The following GSK3B variants were observed in gnomAD, a reference collection of about 807,000 sequenced individuals.
GSK3B encodes glycogen synthase kinase-3 beta.
In GSK3B, 15 loss-of-function variants were observed where a neutral mutation model predicts 56.4. The ratio of observed to expected loss-of-function variants is 0.27; its 90% CI spans 0.18 to 0.41. GSK3B has a LOEUF of 0.41. GSK3B is among the 10% of genes least tolerant of loss of function. GSK3B has a pLI of 1.00. For missense variants in GSK3B, 300 were observed against 513.4 expected, an observed-to-expected ratio of 0.58 and a Z score of 4.02; for synonymous variants, 181 against 188.9, an observed-to-expected ratio of 0.96 and a Z score of 0.34.
chr3:119,912,333 A>G (rs78802922), intron 6 of GSK3B, among the ~76,000 whole-genome samples: 3,935 of 152,200 alleles, frequency 0.026, 174 homozygotes, highest in African/African-American at 0.089. Context: ...AAGACCACTG[A>G]TCATAGATCA....
rs925975906 is a variant in GSK3B at position 119,889,151 on chromosome 3, T to G, written c.814-12643A>C. Among the ~76,000 whole-genome samples the G allele has an allele frequency of 2.6e-5, 4 of 152,034 alleles. No homozygotes were observed. The South Asian group carries it at 8.3e-4, about 31-fold the overall frequency. Reference sequence around the variant, plus strand: ...ACCTACTCCCTGTTCTTGCATCCCCTCCCCTTTTGAAATCCTTAATAAAAC... The same window carrying G: ...ACCTACTCCCTGTTCTTGCATCCCCGCCCCTTTTGAAATCCTTAATAAAAC... On this transcript the variant is annotated intron_variant, in intron 7 of 10. Coordinates refer to ENST00000264235, the MANE Select transcript of GSK3B (RefSeq NM_001146156.2).
chr3:120,008,058 G>A (rs919645905), intron 1 of GSK3B, among the ~76,000 whole-genome samples: 7 of 152,134 alleles, frequency 4.6e-5, no homozygotes, highest in African/African-American at 1.7e-4. Context: ...AAATCAATGT[G>A]CAAAAATCAC....
Position 119,823,277 on chromosome 3 carries a change from A to T in GSK3B, c.*3511T>A, listed in dbSNP as rs60393216. ...AAACTGATTTTTTTTAAAAGAAATT[A>T]AAATGATATTTCATTGAGCAAGGGT... On this transcript the variant is annotated 3_prime_UTR_variant, in exon 11 of 11. Coordinates refer to ENST00000264235, the MANE Select transcript of GSK3B (RefSeq NM_001146156.2). 52,199 of 215,980 alleles carry T rather than the reference A, an allele frequency of 0.24. 7,090 individuals are homozygous for T. The highest frequency in any genetic ancestry group is 0.47 in the East Asian group (6,886 of 14,510). 13.4% of individuals were successfully genotyped at this position (215,980 alleles called of 1,614,324 possible). A position where few individuals can be genotyped will look rare whatever the true frequency, so the allele number is the denominator to read the frequency against.
At chr3:119,923,557 A>C (rs2056863959) in intron 3 of GSK3B, 74 bp from the exon 4 acceptor site, 3 of 624,730 alleles carry the variant, frequency 4.8e-6, no homozygotes, top group Non-Finnish European at 8.2e-6. Flanking sequence ...AAATTAGAGT[A>C]AATTCTCTAG....
intron 1 of GSK3B, among the ~76,000 whole-genome samples, chr3:120,032,389 C>T (rs919844822): frequency 2.0e-5 from 3 of 151,848 alleles, no homozygotes; most frequent in Non-Finnish European, 2.9e-5. Context: ...GCAGGAGAAT[C>T]GCTTGAACCC....
At chr3:120,040,994 A>G (rs75223470) in intron 1 of GSK3B, among the ~76,000 whole-genome samples, 3,934 of 152,146 alleles carry the variant, frequency 0.026, 172 homozygotes, top group African/African-American at 0.089. Flanking sequence ...GTCGCCAGGC[A>G]GCTTTTGTAG....
chr3:119,912,961 A>C (rs2056749794), intron 5 of GSK3B, 151 bp from the exon 6 acceptor site: 16 of 449,938 alleles, frequency 3.6e-5, no homozygotes. Flanking sequence ...AACTGTAACT[A>C]TCTCTAATAA....
intron 1 of GSK3B, among the ~76,000 whole-genome samples, chr3:120,090,434 A>G (rs1199739556): frequency 6.6e-6 from 1 of 152,186 alleles, no homozygotes; most frequent in Non-Finnish European, 1.5e-5. Flanking sequence ...ATTTTAAGAA[A>G]GTGAACTCAC....
chr3:119,923,897 A>G (rs1052234674), intron 3 of GSK3B, among the ~76,000 whole-genome samples: 15 of 152,196 alleles, frequency 9.9e-5, no homozygotes, highest in Non-Finnish European at 2.1e-4. Flanking sequence ...TTCTAGCCCT[A>G]GCTCTGCTAG....
chr3:119,825,586 T>G lies in GSK3B; in HGVS notation c.*1202A>C. On this transcript the variant is annotated 3_prime_UTR_variant, in exon 11 of 11. Transcript: ENST00000264235. ...TATAAGTGACTGTATCATTCTGATG[T>G]GTAGTTTTTAATATTTCTACCATCT... 1 of 228,478 alleles carries G rather than the reference T, an allele frequency of 4.4e-6. No homozygotes were observed. The highest frequency in any genetic ancestry group is 8.7e-6 in the Non-Finnish European group (1 of 115,268). 14.2% of individuals were successfully genotyped at this position (228,478 alleles called of 1,614,324 possible). A position where few individuals can be genotyped will look rare whatever the true frequency, so the allele number is the denominator to read the frequency against.
chr3:120,061,562 T>C (rs997258751), intron 1 of GSK3B, among the ~76,000 whole-genome samples: 1 of 152,186 alleles, frequency 6.6e-6, no homozygotes, highest in Non-Finnish European at 1.5e-5. Context: ...AAAGAAACAC[T>C]GTTTAGACAC....
intron 2 of GSK3B, among the ~76,000 whole-genome samples, chr3:119,981,498 T>C (rs1302981654): frequency 1.3e-5 from 2 of 152,242 alleles, no homozygotes; most frequent in African/African-American, 4.8e-5. Flanking sequence ...ACCCAAATAC[T>C]GCACTTTTCC....
At chr3:119,979,160 T>C (rs1033135800) in intron 2 of GSK3B, among the ~76,000 whole-genome samples, 4 of 152,178 alleles carry the variant, frequency 2.6e-5, no homozygotes, top group African/African-American at 9.7e-5. Context: ...GAAAATGGCA[T>C]CTTTAACTTG....
rs187853817 is a variant in GSK3B at position 120,034,164 on chromosome 3, C to T, written c.89-31925G>A. Among the ~76,000 whole-genome samples, 60 of 152,184 alleles carry T rather than the reference C, an allele frequency of 3.9e-4. No homozygotes were observed. In the East Asian group the frequency reaches 7.9e-3, roughly 20 times the overall value. On this transcript the variant is annotated intron_variant, in intron 1 of 10. Transcript: ENST00000264235. Reference sequence around the variant, plus strand: ...ATCAGATATAATTTGCAAGTATTTTCCCTTTCTGTTGTCTCTTTCTTGATG... The same window carrying T: ...ATCAGATATAATTTGCAAGTATTTTTCCTTTCTGTTGTCTCTTTCTTGATG...
At position 119,822,823 on chromosome 3, in the gene GSK3B, C is replaced by A. The variant is rs973475674; in HGVS notation, c.*3965G>T. On this transcript the variant is annotated 3_prime_UTR_variant, in exon 11 of 11. Coordinates refer to ENST00000264235, the MANE Select transcript of GSK3B (RefSeq NM_001146156.2). The stretch of plus-strand genomic sequence containing the variant: ...TTTCAGTTGAAAAGAAAGAAAACCC[C>A]CCAAATTCCTGGGGATCTGGCATTG... The A allele has an allele frequency of 1.3e-5, 3 of 228,238 alleles. No homozygotes were observed. The highest frequency in any genetic ancestry group is 2.6e-5 in the Non-Finnish European group (3 of 114,994). The allele number at this position is 228,238 out of a possible 1,614,324, so 14.1% of individuals were successfully genotyped here. A position where few individuals can be genotyped will look rare whatever the true frequency, so the allele number is the denominator to read the frequency against.
chr3:119,934,798 CATATA>C (rs1471322192), intron 3 of GSK3B, among the ~76,000 whole-genome samples: 1 of 152,066 alleles, frequency 6.6e-6, no homozygotes, highest in Non-Finnish European at 1.5e-5. Context: ...TACTAATTTA[CATATA>C]ATATATGTGC....
Position 119,913,365 on chromosome 3 carries a change from G to T in GSK3B, c.609-555C>A, listed in dbSNP as rs115135220. ...TTATTACCCAATAAATTATAAACAGGCCCTTCAACTTCAGGGCAGAAATGA... is the reference window on the plus strand; with the variant it reads ...TTATTACCCAATAAATTATAAACAGTCCCTTCAACTTCAGGGCAGAAATGA... On this transcript the variant is annotated intron_variant, in intron 5 of 10. Transcript: ENST00000264235. Among the ~76,000 whole-genome samples, 1,428 of 151,928 alleles carry T rather than the reference G, an allele frequency of 9.4e-3. 13 individuals are homozygous for T. The highest frequency in any genetic ancestry group is 0.032 in the African/African-American group (1,332 of 41,428).
intron 10 of GSK3B, among the ~76,000 whole-genome samples, chr3:119,831,606 G>A (rs968690234): frequency 6.7e-5 from 10 of 148,624 alleles, no homozygotes; most frequent in South Asian, 2.1e-4. Flanking sequence ...GCAATGAGCC[G>A]AAATCATGCC....
At chr3:119,889,275 T>G (rs1369737263) in intron 7 of GSK3B, among the ~76,000 whole-genome samples, 3 of 152,134 alleles carry the variant, frequency 2.0e-5, no homozygotes, top group Non-Finnish European at 2.9e-5. Flanking sequence ...GTACTCTTTC[T>G]CTTTATTTCT....
Sources: gnomAD v4.1 joint callset for allele counts (sites outside exome capture counted in the v4.1 genomes callset) on GRCh38, gnomAD v4.1.1 for gene constraint, MANE v1.5 for transcripts, NCBI Gene and HGNC (gene_info 2026-07-23, HGNC 2026-07-21) for gene names.